The following CNTRL variants were observed in gnomAD, a reference collection of about 807,000 sequenced individuals.
CNTRL encodes the protein centriolin.
In CNTRL, 233 loss-of-function variants were observed where a neutral mutation model predicts 303.7. The observed-to-expected ratio is 0.77, with a 90% CI of 0.69 to 0.86. The LOEUF (loss-of-function observed/expected upper bound fraction) is 0.86. CNTRL is among the 40% of genes least tolerant of loss of function. The pLI is 0.00. For synonymous variants in CNTRL, 900 were observed against 922.2 expected, an observed-to-expected ratio of 0.98 and a Z score of 0.44; for missense variants, 2,524 against 2,650.6, an observed-to-expected ratio of 0.95 and a Z score of 1.05.
chr9:121,089,186 T>C (rs2048463072), intron 3 of CNTRL, among the ~76,000 whole-genome samples: 1 of 152,266 alleles, frequency 6.6e-6, no homozygotes, highest in South Asian at 2.1e-4. Flanking sequence ...ATATCTTTGC[T>C]GCAAGTTGGC....
At position 121,140,773 on chromosome 9, in the gene CNTRL, A is replaced by C; in HGVS notation, c.2470A>C (p.Thr824Pro). 6.2e-7 allele frequency: 1 copy of C among 1,612,038 alleles called. No homozygotes were observed. Among genetic ancestry groups the C allele is most frequent in the Middle Eastern group, 1.7e-4 (1 of 6,058 alleles). Residue 824 changes from threonine to proline, a missense_variant, in exon 17 of 44, where the codon ACT (threonine) becomes CCT (proline). By Grantham distance (38) the Thr-to-Pro change is conservative. Coordinates refer to ENST00000373855, the MANE Select transcript of CNTRL (RefSeq NM_007018.6). ...GCTAAGAAGAAAACTGAAATTAGGA[A>C]CTGGGGAAATGAAGTAAGGAAAAAG... is the stretch of plus-strand genomic sequence containing the variant. ...DELRRKLKLG[T>P]GEMNIHSPSD...
intron 4 of CNTRL, among the ~76,000 whole-genome samples, chr9:121,091,296 G>A (rs904217954): frequency 3.3e-5 from 5 of 152,028 alleles, no homozygotes; most frequent in Non-Finnish European, 5.9e-5. Flanking sequence ...TTTCTACCAC[G>A]TATTATTCAC....
intron 4 of CNTRL, among the ~76,000 whole-genome samples, chr9:121,091,357 A>G (rs1334229654): frequency 6.6e-6 from 1 of 152,216 alleles, no homozygotes; most frequent in African/African-American, 2.4e-5. Flanking sequence ...AAGCAAAATG[A>G]AAACACCAAG....
At chr9:121,168,627 G>A (rs1451659972) in intron 38 of CNTRL, among the ~76,000 whole-genome samples, 3 of 152,142 alleles carry the variant, frequency 2.0e-5, no homozygotes, top group Admixed American at 6.5e-5. Flanking sequence ...TTACCTATGA[G>A]CTTTGGGAAT....
In CNTRL at chr9:121,168,246, G is replaced by GCTGAAGAGCGTGTTAGGACT; in HGVS notation, c.5999_6018dup (p.Gln2007LysfsTer52). 6.2e-7 allele frequency: 1 copy of GCTGAAGAGCGTGTTAGGACT among 1,614,162 alleles called. No homozygotes were observed. The highest frequency in any genetic ancestry group is 8.5e-7 in the Non-Finnish European group (1 of 1,180,010). ...CCAAGTGCTCTCAAAGGTGCTGGCA[G>GCTGAAGAGCGTGTTAGGACT]CTGAAGAGCGTGTTAGGACTCTGCA... On this transcript the variant is annotated frameshift_variant, in exon 38 of 44. Transcript: ENST00000373855. LOFTEE classifies it high-confidence loss of function.
rs765545921 is a variant in CNTRL, at chr9:121,107,980, C to G, written c.987C>G (p.Asn329Lys). The G allele has an allele frequency of 6.3e-7, 1 of 1,575,292 alleles. No individual in the cohort carries two copies. The highest frequency in any genetic ancestry group is 2.3e-5 in the East Asian group (1 of 44,288). The change falls in exon 8 of 44, where the codon AAC becomes AAG. Residue 329 changes from asparagine to lysine, a missense_variant. By Grantham distance (94) the Asn-to-Lys change is moderately conservative. Coordinates refer to ENST00000373855, the MANE Select transcript of CNTRL (RefSeq NM_007018.6). Reference sequence around the variant, plus strand: ...GTGAGGAACTCAAGAGTGACTTAAACACAAAAAATGAATTGGTAAGTTCAT... The same window carrying G: ...GTGAGGAACTCAAGAGTGACTTAAAGACAAAAAATGAATTGGTAAGTTCAT... ...QSCEELKSDL[N>K]TKNELLKQKT...
In CNTRL at chr9:121,145,373, C is replaced by T. The variant is rs758872105; in HGVS notation, c.3298C>T (p.Leu1100Phe). Residue 1100 changes from leucine to phenylalanine, a missense_variant, in exon 22 of 44, where the codon CTC (leucine) becomes TTC (phenylalanine). Coordinates refer to ENST00000373855, the MANE Select transcript of CNTRL (RefSeq NM_007018.6). ...EIARLQNVLD[L>F]TGSDNKGGFE... ...TGCAAGGCTGCAGAATGTACTAGAC[C>T]TCACTGGAAGTGGTAAAGTATTGGG... 4 of 1,608,006 alleles carry T rather than the reference C, an allele frequency of 2.5e-6. No individual in the cohort carries two copies. In the African/African-American group the frequency reaches 5.4e-5, roughly 22 times the overall value.
In CNTRL at chr9:121,150,227, C is replaced by G; in HGVS notation, c.3707C>G (p.Pro1236Arg). 1 of 1,613,866 alleles carries G rather than the reference C, an allele frequency of 6.2e-7. No homozygotes were observed. Among genetic ancestry groups the G allele is most frequent in the Middle Eastern group, 1.6e-4 (1 of 6,062 alleles). ...AGTGAGCTGGATGACCAAGAAGAAC[C>G]CCCATTTGTGCCTCCTCCTGGATAC... ...EESELDDQEE[P>R]PFVPPPGYMM... The change falls in exon 25 of 44, where the codon CCC becomes CGC. Residue 1236 changes from proline to arginine, a missense_variant. By Grantham distance (103) the Pro-to-Arg change is moderately radical. Coordinates refer to ENST00000373855, the MANE Select transcript of CNTRL (RefSeq NM_007018.6).
chr9:121,158,411 T>C (rs1396779380), intron 30 of CNTRL, among the ~76,000 whole-genome samples: 1 of 152,226 alleles, frequency 6.6e-6, no homozygotes, highest in East Asian at 1.9e-4. Context: ...ATTTTGAGTA[T>C]TTTCTGTTGT....
rs957037005 is a variant in CNTRL at position 121,157,456 on chromosome 9, A to G, written c.4366-14A>G. 6.2e-7 allele frequency: 1 copy of G among 1,611,504 alleles called. No individual in the cohort carries two copies. Among genetic ancestry groups the G allele is most frequent in the African/African-American group, 1.3e-5 (1 of 74,810 alleles). ...TTGTAACTGAATGGCTTTTAATGAC[A>G]GTTTCTTTTCTAGACAAAAAATGCT... is the stretch of plus-strand genomic sequence containing the variant. On this transcript the variant is annotated splice_polypyrimidine_tract_variant and intron_variant, in intron 27 of 43. Transcript: ENST00000373855.
At chr9:121,119,992 C>A in intron 12 of CNTRL, among the ~76,000 whole-genome samples, 1 of 152,176 alleles carries the variant, frequency 6.6e-6, no homozygotes, top group East Asian at 1.9e-4. Flanking sequence ...TGGCTGGATA[C>A]AGCCAGGCTC....
intron 19 of CNTRL, 50 bp downstream of exon 19, chr9:121,142,320 C>T: frequency 6.6e-7 from 1 of 1,507,696 alleles, no homozygotes; most frequent in South Asian, 1.3e-5. Flanking sequence ...TGCCAGTGTC[C>T]TGCCCACTGG....
At chr9:121,131,351 C>T (rs1042436486) in intron 14 of CNTRL, among the ~76,000 whole-genome samples, 2 of 152,194 alleles carry the variant, frequency 1.3e-5, no homozygotes, top group African/African-American at 4.8e-5. Context: ...ATAGTCAGCC[C>T]TTCTTGTTGA....
intron 19 of CNTRL, among the ~76,000 whole-genome samples, chr9:121,143,256 C>G (rs1316531132): frequency 6.6e-6 from 1 of 152,174 alleles, no homozygotes; most frequent in Non-Finnish European, 1.5e-5. Context: ...TTGAATCCAT[C>G]TCTAAAATGT....
intron 8 of CNTRL, among the ~76,000 whole-genome samples, chr9:121,110,446 G>A (rs896951257): frequency 1.3e-5 from 2 of 152,074 alleles, no homozygotes; most frequent in African/African-American, 4.8e-5. Flanking sequence ...TAAGTTGTCA[G>A]TAAAGAGCAA....
intron 18 of CNTRL, 171 bp downstream of exon 18, chr9:121,141,759 T>A: frequency 1.4e-6 from 1 of 697,268 alleles, no homozygotes; most frequent in Non-Finnish European, 2.4e-6. Context: ...GTGGTTATAA[T>A]GTCAAAGTCA....
chr9:121,154,107 CAT>C (rs1297910289), intron 26 of CNTRL, among the ~76,000 whole-genome samples: 4 of 152,184 alleles, frequency 2.6e-5, no homozygotes, highest in African/African-American at 7.2e-5. Context: ...AAGTAAAAAT[CAT>C]ATGTATGCCT....
At position 121,092,600 on chromosome 9, in the gene CNTRL, A is replaced by G. The variant is rs185369674; in HGVS notation, c.348+2195A>G. ...ATATATAATATATATCTATATATAT[A>G]ATATATATCTATATATATTATATAT... On this transcript the variant is annotated intron_variant, in intron 4 of 43. Transcript: ENST00000373855. Among the ~76,000 whole-genome samples the G allele has an allele frequency of 1.3e-3, 10 of 7,754 alleles. 3 individuals are homozygous for G. The highest frequency in any genetic ancestry group is 0.023 in the East Asian group (1 of 44). The allele number at this position is 7,754 out of a possible 152,430, so 5.1% of individuals were successfully genotyped here.
intron 4 of CNTRL, among the ~76,000 whole-genome samples, chr9:121,093,980 C>T (rs930919407): frequency 6.6e-6 from 1 of 151,944 alleles, no homozygotes; most frequent in African/African-American, 2.4e-5. Flanking sequence ...CTAGGTGGGA[C>T]GCGCCTGTGG....
Sources: gnomAD v4.1 joint callset for allele counts (sites outside exome capture counted in the v4.1 genomes callset) on GRCh38, gnomAD v4.1.1 for gene constraint, MANE v1.5 for transcripts, NCBI Gene and HGNC (gene_info 2026-07-23, HGNC 2026-07-21) for gene names.